The following CDH23 variants were observed in gnomAD, a reference collection of about 807,000 sequenced individuals.
CDH23 encodes the protein cadherin related 23, also known as cadherin-23.
Under a neutral mutation model 317.1 loss-of-function variants are expected in CDH23, and 189 were observed. The ratio of observed to expected loss-of-function variants is 0.60; its 90% CI spans 0.53 to 0.67. The LOEUF is 0.67. CDH23 is among the 30% of genes least tolerant of loss of function. The pLI is 0.00. For synonymous variants in CDH23, 1,839 were observed against 1,876.8 expected, an observed-to-expected ratio of 0.98 and a Z score of 0.52; for missense variants, 4,401 against 4,592.4, an observed-to-expected ratio of 0.96 and a Z score of 1.20.
intron 11 of CDH23, among the ~76,000 whole-genome samples, chr10:71,642,316 A>C (rs1281836996): frequency 6.6e-6 from 1 of 151,574 alleles, no homozygotes; most frequent in African/African-American, 2.4e-5. Context: ...CGCATCAGAC[A>C]TGAGCTCCAC....
At chr10:71,617,976 G>T (rs897755369) in intron 11 of CDH23, among the ~76,000 whole-genome samples, 26 of 151,126 alleles carry the variant, frequency 1.7e-4, no homozygotes, top group Admixed American at 2.6e-4. Context: ...TGGGCAACAA[G>T]AGTAAGACTC....
At chr10:71,612,566 T>C (rs1860966965) in intron 9 of CDH23, among the ~76,000 whole-genome samples, 2 of 151,732 alleles carry the variant, frequency 1.3e-5, no homozygotes, top group Admixed American at 6.5e-5. Flanking sequence ...CACATTTAGC[T>C]AAACATTTGA....
At chr10:71,694,087 C>G (rs972075383) in intron 20 of CDH23, 60 bp from the exon 21 acceptor site, 18 of 1,218,716 alleles carry the variant, frequency 1.5e-5, no homozygotes, top group Non-Finnish European at 2.2e-5. Context: ...CTCTCTTCTT[C>G]CCTCCCTCTC....
intron 1 of CDH23, among the ~76,000 whole-genome samples, chr10:71,415,810 T>G (rs1182596637): frequency 1.3e-5 from 2 of 152,230 alleles, no homozygotes; most frequent in Non-Finnish European, 2.9e-5. Flanking sequence ...GATTTCATAC[T>G]TTTTACAGTT....
chr10:71,808,454 T>C (rs964749595), intron 60 of CDH23, among the ~76,000 whole-genome samples: 4 of 152,200 alleles, frequency 2.6e-5, no homozygotes, highest in African/African-American at 9.6e-5. Context: ...TATCTGCCTG[T>C]TTTTTCAGTT....
chr10:71,499,233 T>C (rs1428251467), intron 3 of CDH23, among the ~76,000 whole-genome samples: 5 of 152,140 alleles, frequency 3.3e-5, no homozygotes. Flanking sequence ...GGAATGATGG[T>C]TACCAGTGGC....
chr10:71,803,501 C>T, intron 55 of CDH23, 81 bp downstream of exon 55: 1 of 1,279,176 alleles, frequency 7.8e-7, no homozygotes, highest in Non-Finnish European at 1.1e-6. Context: ...GCACCCCACT[C>T]TAAAGGTGGG....
intron 3 of CDH23, among the ~76,000 whole-genome samples, chr10:71,459,766 G>A (rs1259886870): frequency 6.6e-6 from 1 of 152,194 alleles, no homozygotes; most frequent in Non-Finnish European, 1.5e-5. Context: ...GCTACTAGCA[G>A]GCTGACTGCC....
chr10:71,528,740 C>A (rs1050339690), intron 6 of CDH23, among the ~76,000 whole-genome samples: 3 of 152,222 alleles, frequency 2.0e-5, no homozygotes, highest in Admixed American at 6.5e-5. Context: ...CTGTTCCCCA[C>A]CCTGGGGGCC....
chr10:71,601,180 G>A (rs1336109678), intron 9 of CDH23, among the ~76,000 whole-genome samples: 1 of 152,202 alleles, frequency 6.6e-6, no homozygotes, highest in Non-Finnish European at 1.5e-5. Flanking sequence ...GAGCCTTCTA[G>A]AAGCATTGTT....
In CDH23 at chr10:71,751,760, C is replaced by T. The variant is rs746929027; in HGVS notation, c.4845+9839C>T. The T allele has an allele frequency of 2.4e-5, 39 of 1,603,764 alleles. No homozygotes were observed. In the Admixed American group the frequency reaches 6.0e-4, roughly 25 times the overall value. ...ATGCCGCCCAGACTCAGAAGGCTGC[C>T]GCTGGGCCACATAGGACAGGGGGTG... On this transcript the variant is annotated intron_variant, in intron 38 of 69. Transcript: ENST00000224721. The surrounding 1 kb of genome is among the most constrained non-coding windows in gnomAD (Gnocchi z 4.9).
chr10:71,413,619 A>G (rs1848423430), intron 1 of CDH23, among the ~76,000 whole-genome samples: 1 of 152,214 alleles, frequency 6.6e-6, no homozygotes, highest in South Asian at 2.1e-4. Context: ...TAAATATGGT[A>G]TCTTAACAAT....
intron 14 of CDH23, among the ~76,000 whole-genome samples, chr10:71,654,684 T>C (rs569991325): frequency 2.0e-5 from 3 of 152,268 alleles, no homozygotes; most frequent in South Asian, 2.1e-4. Flanking sequence ...CCTTGGCTCA[T>C]TTGGCTGAAG....
At chr10:71,796,453 T>C (rs969514627) in intron 48 of CDH23, among the ~76,000 whole-genome samples, 2 of 152,194 alleles carry the variant, frequency 1.3e-5, no homozygotes, top group South Asian at 4.1e-4. Context: ...TGTCACTCCC[T>C]ATTTAATCAA....
At chr10:71,729,887 TGCAGTG>T in intron 30 of CDH23, among the ~76,000 whole-genome samples, 1 of 151,860 alleles carries the variant, frequency 6.6e-6, no homozygotes, top group African/African-American at 2.4e-5. Flanking sequence ...CAGGCTGGAG[TGCAGTG>T]GCGCGATCTT....
At chr10:71,781,625 T>C (rs1840956843) in intron 41 of CDH23, among the ~76,000 whole-genome samples, 1 of 152,172 alleles carries the variant, frequency 6.6e-6, no homozygotes, top group Admixed American at 6.5e-5. Flanking sequence ...ACTTCCTGGG[T>C]TCAATCCACA....
At chr10:71,487,291 C>G (rs1852402883) in intron 3 of CDH23, among the ~76,000 whole-genome samples, 1 of 152,078 alleles carries the variant, frequency 6.6e-6, no homozygotes, top group Non-Finnish European at 1.5e-5. Flanking sequence ...ACAGATGACC[C>G]TTGAGCAATG....
At chr10:71,625,396 TAAAAAA>T (rs1156772192) in intron 11 of CDH23, among the ~76,000 whole-genome samples, 9 of 19,798 alleles carry the variant, frequency 4.5e-4, no homozygotes, top group Non-Finnish European at 7.1e-4. Flanking sequence ...CCAAATAAAT[TAAAAAA>T]AAAAAAAAAA....
At chr10:71,781,225 C>A (rs1442139345) in intron 41 of CDH23, among the ~76,000 whole-genome samples, 1 of 152,128 alleles carries the variant, frequency 6.6e-6, no homozygotes, top group African/African-American at 2.4e-5. Flanking sequence ...GGGGAAAAAA[C>A]AACAACCTAT....
Sources: allele counts gnomAD v4.1 joint callset (sites outside exome capture counted in the v4.1 genomes callset), GRCh38; gene constraint gnomAD v4.1.1; non-coding constraint Gnocchi (gnomAD v3.1); transcripts MANE v1.5; gene names NCBI Gene and HGNC (gene_info 2026-07-23, HGNC 2026-07-21).